Variants in ANO3 observed in about 807,000 individuals in gnomAD.
ANO3 encodes the protein anoctamin-3.
In ANO3, 99 loss-of-function variants were observed where a neutral mutation model predicts 144.8. The ratio of observed to expected loss-of-function variants is 0.68; its 90% CI spans 0.58 to 0.81. The LOEUF is 0.81. Among genes scored for constraint, ANO3 ranks in the 30% least tolerant of loss-of-function variants. ANO3 has a pLI of 0.00. For synonymous variants in ANO3, 414 were observed against 392.6 expected, an observed-to-expected ratio of 1.05 and a Z score of -0.64; for missense variants, 905 against 1,202.2, an observed-to-expected ratio of 0.75 and a Z score of 3.66.
chr11:26,304,019 A>AT (rs1223840464), intron 1 of ANO3, among the ~76,000 whole-genome samples: 1 of 152,064 alleles, frequency 6.6e-6, no homozygotes, highest in Non-Finnish European at 1.5e-5. Context: ...GGCCAAAATT[A>AT]TTTTTTTAAG....
At chr11:26,591,554 G>A (rs781706728) in intron 14 of ANO3, among the ~76,000 whole-genome samples, 2 of 152,116 alleles carry the variant, frequency 1.3e-5, no homozygotes, top group African/African-American at 4.8e-5. Context: ...GGTGAAAGTG[G>A]GGTCTCCTTT....
chr11:26,627,112 C>A (rs184552001), intron 18 of ANO3, among the ~76,000 whole-genome samples: 25 of 147,552 alleles, frequency 1.7e-4, no homozygotes, highest in Admixed American at 1.4e-4. Context: ...TTCTTAAATT[C>A]TTTTATATAT....
chr11:26,526,823 A>G (rs1849174877), intron 7 of ANO3, among the ~76,000 whole-genome samples: 1 of 152,086 alleles, frequency 6.6e-6, no homozygotes, highest in African/African-American at 2.4e-5. Flanking sequence ...TTTAATTTGG[A>G]ATGAGCTCTC....
intron 1 of ANO3, among the ~76,000 whole-genome samples, chr11:26,324,656 T>G (rs1475368137): frequency 6.6e-6 from 1 of 152,202 alleles, no homozygotes; most frequent in Non-Finnish European, 1.5e-5. Context: ...TAGTGAACAC[T>G]TTATTTTAAG....
chr11:26,310,861 G>C (rs1040529500), intron 1 of ANO3, among the ~76,000 whole-genome samples: 4 of 152,184 alleles, frequency 2.6e-5, no homozygotes, highest in African/African-American at 9.7e-5. Flanking sequence ...GGTAACTGAA[G>C]ATCAATCTCT....
rs1853224817 is a variant in ANO3, at chr11:26,643,150, T to C, written c.2276-32T>C. The C allele has an allele frequency of 6.8e-6, 11 of 1,607,866 alleles. No homozygotes were observed. In the East Asian group the frequency reaches 2.5e-4, roughly 36 times the overall value. Reference sequence around the variant, plus strand: ...CCAAATTTGTCACAAAGGAAGTTTATATAGTAATTTCCTAATGCTCTTCTT... The same window carrying C: ...CCAAATTTGTCACAAAGGAAGTTTACATAGTAATTTCCTAATGCTCTTCTT... On this transcript the variant is annotated intron_variant, in intron 22 of 26. Coordinates refer to ENST00000256737, the MANE Select transcript of ANO3 (RefSeq NM_031418.4).
chr11:26,251,244 GA>G (rs1852921001), intron 1 of ANO3, among the ~76,000 whole-genome samples: 1 of 151,968 alleles, frequency 6.6e-6, no homozygotes. Flanking sequence ...GTATATTCAA[GA>G]AAATGAAAGC....
At position 26,251,171 on chromosome 11, in the gene ANO3, G is replaced by T. The variant is rs180750441; in HGVS notation, c.155-58474G>T. Among the ~76,000 whole-genome samples, 3 of 152,268 alleles carry T rather than the reference G, an allele frequency of 2.0e-5. No individual in the cohort carries two copies. The South Asian group carries it at 6.2e-4, about 32-fold the overall frequency. ...TAAGTCAAGCAATTGTAAATTGGGG[G>T]ACTGTATTTATAAAACACACAAAAC... On this transcript the variant is annotated intron_variant, in intron 1 of 27. Coordinates refer to the ANO3 transcript ENST00000672621.
intron 14 of ANO3, among the ~76,000 whole-genome samples, chr11:26,561,983 C>G (rs1476505347): frequency 6.6e-6 from 1 of 151,808 alleles, no homozygotes; most frequent in Non-Finnish European, 1.5e-5. Context: ...ATTGGGCTCC[C>G]AGGAACCTTA....
rs1278755706 is a variant in ANO3, at chr11:26,226,035, T to C, written c.154+36705T>C. On this transcript the variant is annotated intron_variant, in intron 1 of 27. Coordinates refer to the ANO3 transcript ENST00000672621. Reference sequence around the variant, plus strand: ...CCCCAAGGAGCAGTTTTTTGGGGGGTTATTCTAGTATGTACAACCCCTACA... The same window carrying C: ...CCCCAAGGAGCAGTTTTTTGGGGGGCTATTCTAGTATGTACAACCCCTACA... Among the ~76,000 whole-genome samples, 5 of 151,984 alleles carry C rather than the reference T, an allele frequency of 3.3e-5. No individual in the cohort carries two copies. In the East Asian group the frequency reaches 9.6e-4, roughly 29 times the overall value.
At chr11:26,252,445 A>G (rs1852950939) in intron 1 of ANO3, among the ~76,000 whole-genome samples, 1 of 152,128 alleles carries the variant, frequency 6.6e-6, no homozygotes, top group Non-Finnish European at 1.5e-5. Flanking sequence ...AGGCATGTAA[A>G]TTGTGTTCTT....
chr11:26,423,558 T>TA (rs891864474), intron 1 of ANO3, among the ~76,000 whole-genome samples: 9 of 151,522 alleles, frequency 5.9e-5, no homozygotes, highest in Non-Finnish European at 1.3e-4. Context: ...CAATTTTTTT[T>TA]AAAAAAAAGA....
At chr11:26,281,273 C>A (rs1259739293) in intron 1 of ANO3, among the ~76,000 whole-genome samples, 4 of 152,100 alleles carry the variant, frequency 2.6e-5, no homozygotes, top group East Asian at 3.9e-4. Context: ...AGTTGGCACA[C>A]AATTTCTGTT....
At chr11:26,319,676 TG>T (rs1197362225) in intron 1 of ANO3, among the ~76,000 whole-genome samples, 1 of 152,224 alleles carries the variant, frequency 6.6e-6, no homozygotes, top group Non-Finnish European at 1.5e-5. Context: ...ATAGGTATCA[TG>T]GCTCCTTTTC....
chr11:26,226,815 T>C (rs969881065), intron 1 of ANO3, among the ~76,000 whole-genome samples: 6 of 152,176 alleles, frequency 3.9e-5, no homozygotes, highest in Non-Finnish European at 5.9e-5. Context: ...GTTTAACCAT[T>C]TTTAAGTATA....
chr11:26,598,556 C>T, intron 15 of ANO3, 109 bp downstream of exon 15: 1 of 736,582 alleles, frequency 1.4e-6, no homozygotes, highest in Non-Finnish European at 2.2e-6. Flanking sequence ...TAGATTTTTC[C>T]CTTGATCTTT....
chr11:26,221,282 C>A (rs1432525689), intron 1 of ANO3, among the ~76,000 whole-genome samples: 2 of 152,186 alleles, frequency 1.3e-5, no homozygotes, highest in Non-Finnish European at 2.9e-5. Context: ...AAGGCCAGAT[C>A]TTCACTCAGT....
chr11:26,412,308 A>G (rs560000591), intron 1 of ANO3, among the ~76,000 whole-genome samples: 19 of 152,022 alleles, frequency 1.2e-4, no homozygotes, highest in Non-Finnish European at 2.2e-4. Flanking sequence ...GTTGAGCACA[A>G]TGTGTGGCAT....
At chr11:26,216,618 AGT>A (rs1474026097) in intron 1 of ANO3, among the ~76,000 whole-genome samples, 1 of 152,010 alleles carries the variant, frequency 6.6e-6, no homozygotes, top group Non-Finnish European at 1.5e-5. Context: ...GTTTAAAATC[AGT>A]GTGAGAATTT....
Sources: allele counts gnomAD v4.1 joint callset (sites outside exome capture counted in the v4.1 genomes callset), GRCh38; gene constraint gnomAD v4.1.1; transcripts MANE v1.5; gene names NCBI Gene and HGNC (gene_info 2026-07-23, HGNC 2026-07-21).